The following PPP1R2 variants were observed in gnomAD, a reference collection of about 807,000 sequenced individuals.
PPP1R2 encodes the protein protein phosphatase inhibitor 2.
Under a neutral mutation model 29.9 loss-of-function variants are expected in PPP1R2, and 16 were observed. That is an observed-to-expected ratio of 0.53 (90% CI 0.36 to 0.81). The LOEUF (loss-of-function observed/expected upper bound fraction) is 0.81. Among genes scored for constraint, PPP1R2 ranks in the 30% least tolerant of loss-of-function variants. PPP1R2 has a pLI of 0.00. For missense variants in PPP1R2, 197 were observed against 252.7 expected, an observed-to-expected ratio of 0.78 and a Z score of 1.49; for synonymous variants, 76 against 91.5, an observed-to-expected ratio of 0.83 and a Z score of 0.96.
chr3:195,541,858 T>C (rs1205144741), intron 1 of PPP1R2, among the ~76,000 whole-genome samples: 3 of 152,166 alleles, frequency 2.0e-5, no homozygotes, highest in African/African-American at 7.2e-5. Flanking sequence ...CAATATTTCC[T>C]TCAAGGTAAC....
chr3:195,532,478 TAAC>T (rs1719221853), intron 1 of PPP1R2, among the ~76,000 whole-genome samples: 1 of 152,138 alleles, frequency 6.6e-6, no homozygotes. Flanking sequence ...GAGCTTGCTT[TAAC>T]AATACCGATG....
In PPP1R2 at chr3:195,523,798, T is replaced by C. The variant is rs978496308; in HGVS notation, c.309-12A>G. On this transcript the variant is annotated splice_polypyrimidine_tract_variant and intron_variant, in intron 3 of 5. Transcript: ENST00000618156. ...CAGCTGCAGCTAATCTATGCAACAA[T>C]CATGTACAAAGAAATTAACAGTGAT... is the stretch of plus-strand genomic sequence containing the variant. 10 of 1,607,194 alleles carry C rather than the reference T, an allele frequency of 6.2e-6. No homozygotes were observed. In the African/African-American group the frequency reaches 1.2e-4, roughly 19 times the overall value.
intron 1 of PPP1R2, among the ~76,000 whole-genome samples, chr3:195,533,557 G>A (rs1719266833): frequency 6.6e-6 from 1 of 152,206 alleles, no homozygotes; most frequent in African/African-American, 2.4e-5. Context: ...AAGAAGCAAA[G>A]TTGTGACATT....
intron 1 of PPP1R2, among the ~76,000 whole-genome samples, chr3:195,540,269 G>A (rs541470325): frequency 6.6e-6 from 1 of 152,188 alleles, no homozygotes; most frequent in African/African-American, 2.4e-5. Flanking sequence ...GCGACGCTCT[G>A]CTTTCTTGTT....
At position 195,542,784 on chromosome 3, in the gene PPP1R2, G is replaced by A. The variant is rs914228142; in HGVS notation, c.122+120C>T. The A allele has an allele frequency of 7.2e-6, 9 of 1,243,860 alleles. No homozygotes were observed. The Admixed American group carries it at 1.3e-4, about 18-fold the overall frequency. The allele number at this position is 1,243,860 out of a possible 1,614,324, so 77.1% of individuals were successfully genotyped here. On this transcript the variant is annotated intron_variant, in intron 1 of 5. Coordinates refer to ENST00000618156, the MANE Select transcript of PPP1R2 (RefSeq NM_006241.8). ...CTCCCACCCGCGGCTAGCCGGGCAG[G>A]AGAAGAGACTCGAGCGGCACCCGAG...
At chr3:195,537,548 T>C (rs2108954330) in intron 1 of PPP1R2, among the ~76,000 whole-genome samples, 1 of 148,182 alleles carries the variant, frequency 6.7e-6, no homozygotes, top group African/African-American at 2.5e-5. Flanking sequence ...TAAAACAGTA[T>C]TTTAAAACTG....
chr3:195,534,603 G>A (rs918867605), intron 1 of PPP1R2, among the ~76,000 whole-genome samples: 3 of 152,158 alleles, frequency 2.0e-5, no homozygotes, highest in Non-Finnish European at 4.4e-5. Context: ...TGCCAGTCTT[G>A]TGGTTGTAGA....
intron 1 of PPP1R2, among the ~76,000 whole-genome samples, chr3:195,532,215 C>CTTTTTTTTT (rs146508182): frequency 6.7e-5 from 8 of 120,174 alleles, no homozygotes; most frequent in Admixed American, 1.9e-4. Flanking sequence ...TTTTCTTTTT[C>CTTTTTTTTT]TTTTTTTTTT....
intron 4 of PPP1R2, among the ~76,000 whole-genome samples, chr3:195,520,202 G>T (rs2108938344): frequency 6.6e-6 from 1 of 152,226 alleles, no homozygotes. Context: ...TAGAGACGGG[G>T]TTTCATCATG....
chr3:195,514,665 A>G lies in PPP1R2; in HGVS notation c.*2231T>C, dbSNP rs976236382. The G allele has an allele frequency of 6.6e-6, 1 of 152,250 alleles. No homozygotes were observed. The highest frequency in any genetic ancestry group is 1.5e-5 in the Non-Finnish European group (1 of 68,046). The allele number at this position is 152,250 out of a possible 1,614,324, so 9.4% of individuals were successfully genotyped here. The stretch of plus-strand genomic sequence containing the variant: ...AAGCACAGAAAGTGATACTGATTAA[A>G]AAGTTGAAAGTAAAATCTACCTTGG... On this transcript the variant is annotated 3_prime_UTR_variant, in exon 6 of 6. Coordinates refer to ENST00000618156, the MANE Select transcript of PPP1R2 (RefSeq NM_006241.8).
chr3:195,521,598 A>C lies in PPP1R2; in HGVS notation c.403+2094T>G, dbSNP rs146261592. On this transcript the variant is annotated intron_variant, in intron 4 of 5. Coordinates refer to ENST00000618156, the MANE Select transcript of PPP1R2 (RefSeq NM_006241.8). ...AAATATATTGTGCATTTGTTCTATT[A>C]TTTTCTCAGTATGAGCCAGTGTTTT... Among the ~76,000 whole-genome samples, 732 of 151,902 alleles carry C rather than the reference A, an allele frequency of 4.8e-3. 11 individuals are homozygous for C. The highest frequency in any genetic ancestry group is 0.017 in the African/African-American group (706 of 41,404).
chr3:195,522,302 G>A (rs1214285062), intron 4 of PPP1R2, among the ~76,000 whole-genome samples: 1 of 152,194 alleles, frequency 6.6e-6, no homozygotes, highest in African/African-American at 2.4e-5. Flanking sequence ...TTGTTATGCT[G>A]TGAGTTACAG....
rs1299672811 is a variant in PPP1R2, at chr3:195,524,998, A to G, written c.231-102T>C. ...CCATCAACCTACTTAACATATCAAT[A>G]TATTTATAGCTCTGTTGATATCTTT... On this transcript the variant is annotated intron_variant, in intron 2 of 5. Coordinates refer to ENST00000618156, the MANE Select transcript of PPP1R2 (RefSeq NM_006241.8). 5 of 910,306 alleles carry G rather than the reference A, an allele frequency of 5.5e-6. No homozygotes were observed. The South Asian group carries it at 5.6e-5, about 10-fold the overall frequency. The allele number at this position is 910,306 out of a possible 1,614,324, so 56.4% of individuals were successfully genotyped here. A position where few individuals can be genotyped will look rare whatever the true frequency, so the allele number is the denominator to read the frequency against.
intron 1 of PPP1R2, among the ~76,000 whole-genome samples, chr3:195,536,788 CAAA>C (rs10717955): frequency 0.081 from 5,855 of 72,318 alleles, 127 homozygotes; most frequent in South Asian, 0.23. Flanking sequence ...AACTCCGTCT[CAAA>C]AAAAAAAAAA....
At chr3:195,540,119 C>T (rs1404530425) in intron 1 of PPP1R2, among the ~76,000 whole-genome samples, 1 of 152,156 alleles carries the variant, frequency 6.6e-6, no homozygotes, top group Non-Finnish European at 1.5e-5. Flanking sequence ...TACCTACTTG[C>T]TAAAATGTGT....
intron 5 of PPP1R2, among the ~76,000 whole-genome samples, chr3:195,517,317 T>A (rs1483678837): frequency 6.6e-6 from 1 of 151,836 alleles, no homozygotes; most frequent in African/African-American, 2.4e-5. Context: ...ATGAATTGTG[T>A]GAATGGGGGA....
intron 1 of PPP1R2, among the ~76,000 whole-genome samples, chr3:195,532,234 T>TC (rs1459451029): frequency 6.7e-6 from 1 of 149,562 alleles, no homozygotes; most frequent in Non-Finnish European, 1.5e-5. Flanking sequence ...TTTTTTTTTT[T>TC]ACAGGTGGAG....
intron 1 of PPP1R2, among the ~76,000 whole-genome samples, chr3:195,537,519 G>GTGTGTGTGTGTGTGTT (rs1338052818): frequency 6.7e-6 from 1 of 150,168 alleles, no homozygotes; most frequent in Non-Finnish European, 1.5e-5. Flanking sequence ...GTGTGTGTGT[G>GTGTGTGTGTGTGTGTT]TTTCCATTTC....
intron 1 of PPP1R2, among the ~76,000 whole-genome samples, chr3:195,530,379 C>T (rs1476726730): frequency 6.6e-6 from 1 of 152,156 alleles, no homozygotes; most frequent in African/African-American, 2.4e-5. Context: ...TAGAGAAAAC[C>T]TCATCAAACT....
Sources: allele counts gnomAD v4.1 joint callset (sites outside exome capture counted in the v4.1 genomes callset), GRCh38; gene constraint gnomAD v4.1.1; transcripts MANE v1.5; gene names NCBI Gene and HGNC (gene_info 2026-07-23, HGNC 2026-07-21).